Variants in WDFY3 observed in about 807,000 individuals in gnomAD.
WDFY3 encodes the protein WD repeat and FYVE domain-containing protein 3.
Under a neutral mutation model 409.6 loss-of-function variants are expected in WDFY3, and 66 were observed. The ratio of observed to expected loss-of-function variants is 0.16; its 90% confidence interval spans 0.13 to 0.20. The LOEUF is 0.20. WDFY3 is among the 10% of genes least tolerant of loss of function. The pLI is 1.00. For synonymous variants in WDFY3, 1,521 were observed against 1,537.1 expected (o/e 0.99, Z 0.25); for missense variants, 3,031 against 4,298.1 (o/e 0.71, Z 8.24).
At chr4:84,689,796 A>G (rs1173571643) in intron 61 of WDFY3, among the ~76,000 whole-genome samples, 3 of 152,226 alleles carry the variant, frequency 2.0e-5, no homozygotes, top group African/African-American at 7.2e-5. Context: ...GTATTTGTAG[A>G]ATACTCAACA....
chr4:84,778,453 A>T, intron 27 of WDFY3, 50 bp downstream of exon 27: 1 of 1,444,850 alleles, frequency 6.9e-7, no homozygotes, highest in Non-Finnish European at 9.2e-7. Flanking sequence ...CATATGGAGT[A>T]AGAAATGCAT....
rs1452299994 is a variant in WDFY3, at chr4:84,741,894, C to A, written c.6101G>T (p.Ser2034Ile). 1.2e-6 allele frequency: 2 copies of A among 1,606,348 alleles called. No homozygotes were observed. The highest frequency in any genetic ancestry group is 1.1e-5 in the South Asian group (1 of 90,146). The change falls in exon 38 of 68, where the codon AGT becomes ATT. Residue 2034 changes from serine (S) to isoleucine (I), a missense_variant. Physicochemically the swap from Ser to Ile is moderately radical, Grantham distance 142. This residue lies in a region of WDFY3 where 314 missense variants were observed against 397.4 expected (regional missense o/e 0.79). Transcript: ENST00000295888. ...LGEDASLPIT[S>I]GGSYQVLVNN... ...CACCAATACCTGGTAGCTTCCTCCACTGGTAATAGGCAGAGATGCATCTTC... is the reference window on the plus strand; with the variant it reads ...CACCAATACCTGGTAGCTTCCTCCAATGGTAATAGGCAGAGATGCATCTTC...
intron 3 of WDFY3, among the ~76,000 whole-genome samples, chr4:84,861,745 T>TA (rs1412911714): frequency 2.0e-5 from 3 of 152,182 alleles, no homozygotes; most frequent in Non-Finnish European, 4.4e-5. Context: ...GAGCTGCAGT[T>TA]AAAAAAATAC....
At position 84,753,638 on chromosome 4, in the gene WDFY3, ACTAATTCCAGTTCTGACATT is replaced by A. The variant is rs1394629101; in HGVS notation, c.5739+39_5739+58del. The A allele has an allele frequency of 6.7e-6, 10 of 1,481,578 alleles. No individual in the cohort carries two copies. The South Asian group carries it at 8.7e-5, about 13-fold the overall frequency. 91.8% of individuals were successfully genotyped at this position (1,481,578 alleles called of 1,614,324 possible). ...AAAAATCTGCTAACCATTGAAACAG[ACTAATTCCAGTTCTGACATT>A]CTAATTCCAGTTCTGACATTTTCCT... On this transcript the variant is annotated intron_variant, in intron 35 of 67. Transcript: ENST00000295888.
intron 1 of WDFY3, among the ~76,000 whole-genome samples, chr4:84,957,044 T>A (rs1163190832): frequency 6.6e-6 from 1 of 151,186 alleles, no homozygotes; most frequent in Non-Finnish European, 1.5e-5. Context: ...ATAATTTTCC[T>A]GGAGTTGAGA....
chr4:84,772,749 G>A (rs1053135990), intron 30 of WDFY3, 86 bp downstream of exon 30: 2 of 1,019,152 alleles, frequency 2.0e-6, no homozygotes, highest in Non-Finnish European at 2.9e-6. Context: ...ATAATCACAT[G>A]TAATTCAGGT....
intron 4 of WDFY3, among the ~76,000 whole-genome samples, chr4:84,856,986 TTA>T (rs1366568617): frequency 2.0e-5 from 3 of 152,186 alleles, no homozygotes; most frequent in African/African-American, 2.4e-5. Context: ...AAGAACAATT[TTA>T]GTTTATTAAT....
Position 84,673,017 on chromosome 4 carries a change from T to G in WDFY3, c.10458-26A>C, listed in dbSNP as rs370066633. The G allele has an allele frequency of 4.1e-5, 66 of 1,613,168 alleles. 1 individual carries two copies. In the East Asian group the frequency reaches 4.9e-4, roughly 12 times the overall value. The stretch of plus-strand genomic sequence containing the variant: ...CTAAAGGAAAGGAAAAGTCAATTAA[T>G]TATAGGTCTTCTCCATGCTTGATCA... On this transcript the variant is annotated intron_variant, in intron 67 of 67. Transcript: ENST00000295888.
chr4:84,843,597 C>G (rs1458160966), intron 5 of WDFY3, among the ~76,000 whole-genome samples: 2 of 152,104 alleles, frequency 1.3e-5, no homozygotes, highest in African/African-American at 4.8e-5. Context: ...CAGAGTATCG[C>G]TGTGTTGCCC....
intron 54 of WDFY3, among the ~76,000 whole-genome samples, chr4:84,704,906 CTTAGGCTTTCTTTCTCCTTTGT>C (rs1731669390): frequency 6.6e-6 from 1 of 152,170 alleles, no homozygotes; most frequent in Non-Finnish European, 1.5e-5. Flanking sequence ...GGACTACAAG[CTTAGGCTTTCTTTCTCCTTTGT>C]TTTGCCTTTT....
chr4:84,946,309 T>C (rs549405828), intron 1 of WDFY3, among the ~76,000 whole-genome samples: 6 of 152,334 alleles, frequency 3.9e-5, no homozygotes, highest in African/African-American at 1.4e-4. Context: ...TGGTGTGTGA[T>C]AAGTACCCTT....
At chr4:84,724,328 T>A in intron 46 of WDFY3, 98 bp downstream of exon 46, 1 of 1,352,182 alleles carries the variant, frequency 7.4e-7, no homozygotes, top group South Asian at 1.5e-5. Context: ...ATTTTTAAAG[T>A]TGGCCCTACT....
intron 2 of WDFY3, among the ~76,000 whole-genome samples, chr4:84,908,336 C>T (rs757362373): frequency 6.6e-6 from 1 of 152,130 alleles, no homozygotes; most frequent in Non-Finnish European, 1.5e-5. Context: ...AAAGATAGAA[C>T]TTTATGATTG....
chr4:84,804,437 TA>T (rs552259647), intron 15 of WDFY3, among the ~76,000 whole-genome samples: 4 of 151,962 alleles, frequency 2.6e-5, no homozygotes, highest in Admixed American at 6.6e-5. Context: ...TGCCGTGGTT[TA>T]AAAAAAATAC....
intron 2 of WDFY3, among the ~76,000 whole-genome samples, chr4:84,907,405 C>T (rs1280423451): frequency 6.6e-6 from 1 of 152,168 alleles, no homozygotes; most frequent in Non-Finnish European, 1.5e-5. Context: ...AACACTCCAG[C>T]AACCCTATGG....
Position 84,756,776 on chromosome 4 carries a change from T to C in WDFY3, c.5424+150A>G, listed in dbSNP as rs1741540204. 3 of 954,056 alleles carry C rather than the reference T, an allele frequency of 3.1e-6. No individual in the cohort carries two copies. The South Asian group carries it at 5.5e-5, about 18-fold the overall frequency. 59.1% of individuals were successfully genotyped at this position (954,056 alleles called of 1,614,324 possible). A position where few individuals can be genotyped will look rare whatever the true frequency, so the allele number is the denominator to read the frequency against. On this transcript the variant is annotated intron_variant, in intron 33 of 67. Coordinates refer to ENST00000295888, the MANE Select transcript of WDFY3 (RefSeq NM_014991.6). Reference sequence around the variant, plus strand: ...AAGGACTTTTTGGGAAAATTTTCTGTGGTATTTTCAGATTTTTCTGTCCCA... The same window carrying C: ...AAGGACTTTTTGGGAAAATTTTCTGCGGTATTTTCAGATTTTTCTGTCCCA...
At chr4:84,755,199 C>G in intron 34 of WDFY3, 67 bp downstream of exon 34, 1 of 1,577,502 alleles carries the variant, frequency 6.3e-7, no homozygotes, top group Admixed American at 2.1e-5. Flanking sequence ...AAAAATTCCT[C>G]TATTTACAAA....
At chr4:84,944,684 G>A (rs1201038043) in intron 1 of WDFY3, among the ~76,000 whole-genome samples, 3 of 151,166 alleles carry the variant, frequency 2.0e-5, no homozygotes, top group African/African-American at 7.3e-5. Context: ...AATTAGCCAG[G>A]CATGGTGGCT....
intron 58 of WDFY3, among the ~76,000 whole-genome samples, chr4:84,694,637 T>G (rs1401757911): frequency 1.3e-5 from 2 of 152,274 alleles, no homozygotes; most frequent in East Asian, 3.9e-4. Flanking sequence ...CATTTTGCTT[T>G]AAAAGTAAAC....
Sources: allele counts gnomAD v4.1 joint callset (sites outside exome capture counted in the v4.1 genomes callset), GRCh38; gene constraint gnomAD v4.1.1; regional missense constraint gnomAD v4.1.1; transcripts MANE v1.5; gene names NCBI Gene and HGNC (gene_info 2026-07-23, HGNC 2026-07-21).